The following DOCK5 variants were observed in gnomAD, a reference collection of about 807,000 sequenced individuals.
The protein encoded by DOCK5 is dedicator of cytokinesis 5.
In DOCK5, 142 loss-of-function variants were observed where a neutral mutation model predicts 251.8. That is an observed-to-expected ratio of 0.56 (90% CI 0.49 to 0.65). The LOEUF is 0.65. Ranked by LOEUF, DOCK5 falls within the 30% of genes least tolerant of loss-of-function variation. The pLI, the probability that DOCK5 is intolerant of heterozygous loss-of-function variation, is 0.00. For synonymous variants in DOCK5, 842 were observed against 835.5 expected (o/e 1.01, Z -0.13); for missense variants, 2,111 against 2,312.3 (o/e 0.91, Z 1.79).
In DOCK5 at chr8:25,403,654, G is replaced by A. The variant is rs368086703; in HGVS notation, c.5023G>A (p.Val1675Ile). 9.3e-6 allele frequency: 15 copies of A among 1,613,852 alleles called. No individual in the cohort carries two copies. The highest frequency in any genetic ancestry group is 1.3e-5 in the Non-Finnish European group (15 of 1,179,890). ...STLRRLSITSVTSSVVSTSSN... is the reference protein window; with the variant it reads ...STLRRLSITSITSSVVSTSSN... ...TCTGCGGAGGTTGTCCATCACCTCA[G>A]TCACTTCCTCTGTGGTTTCCACCTC... The change falls in exon 48 of 52, where the codon GTC becomes ATC. Residue 1675 changes from valine (V) to isoleucine (I), a missense_variant. By Grantham distance (29) the Val-to-Ile change is conservative. Around this residue, in one of 3 missense-constraint regions of DOCK5, gnomAD observed 1,717 missense variants for 1,892.4 expected, o/e 0.91. Coordinates refer to ENST00000276440, the MANE Select transcript of DOCK5 (RefSeq NM_024940.8).
At chr8:25,278,214 C>T (rs1310677607) in intron 4 of DOCK5, among the ~76,000 whole-genome samples, 2 of 152,156 alleles carry the variant, frequency 1.3e-5, no homozygotes, top group Non-Finnish European at 2.9e-5. Flanking sequence ...CCAAATGAAA[C>T]AGCTGCTTGG....
rs756264814 is a variant in DOCK5 at position 25,308,846 on chromosome 8, C to A, written c.1113C>A (p.His371Gln). 6.2e-7 allele frequency: 1 copy of A among 1,613,758 alleles called. No homozygotes were observed. The highest frequency in any genetic ancestry group is 2.2e-5 in the East Asian group (1 of 44,882). Residue 371 changes from histidine to glutamine, a missense_variant, in exon 12 of 52, where the codon CAC becomes CAA. This residue lies in a region of DOCK5 where 1,717 missense variants were observed against 1,892.4 expected (regional missense o/e 0.91). Transcript: ENST00000276440. Reference protein sequence around the residue: ...QLIMSPLITSHVIGENEPLTS... With the variant: ...QLIMSPLITSQVIGENEPLTS... The stretch of plus-strand genomic sequence containing the variant: ...TCATGTCGCCTTTGATAACATCACA[C>A]GTGATTGGGGAGAATGAGCCACTCA...
At chr8:25,185,066 G>C in intron 1 of DOCK5, 115 bp downstream of exon 1, 3 of 1,168,254 alleles carry the variant, frequency 2.6e-6, no homozygotes, top group Non-Finnish European at 2.2e-6. Flanking sequence ...GGCTCGGCCC[G>C]GCTGCGCAGC....
At chr8:25,198,865 A>G (rs1014145351) in intron 1 of DOCK5, among the ~76,000 whole-genome samples, 4 of 152,162 alleles carry the variant, frequency 2.6e-5, no homozygotes, top group African/African-American at 9.7e-5. Context: ...GGAAGAGTAA[A>G]TTCTCCCCTC....
chr8:25,408,768 G>T, intron 49 of DOCK5, 34 bp from the exon 50 acceptor site: 1 of 1,611,442 alleles, frequency 6.2e-7, no homozygotes, highest in Non-Finnish European at 8.5e-7. Flanking sequence ...CTTCCTCACC[G>T]TGAAAATGTT....
chr8:25,281,383 G>C lies in DOCK5; in HGVS notation c.321+2718G>C, dbSNP rs562641682. ...GAACTGGGGAGGCAGAGGTTGCAGT[G>C]AGCCAAGATCACACTGTTGCACTTC... On this transcript the variant is annotated intron_variant, in intron 5 of 51. Transcript: ENST00000276440. 6.0e-5 allele frequency among the ~76,000 whole-genome samples: 9 copies of C among 150,446 alleles called. No homozygotes were observed. In the East Asian group the frequency reaches 1.6e-3, roughly 26 times the overall value.
In DOCK5 at chr8:25,395,634, G is replaced by A. The variant is rs771609409; in HGVS notation, c.4619G>A (p.Arg1540Gln). ...SNCVQQHAWD[R>Q]SLSVHPLSML... ...TGTGTTCAGCAGCATGCCTGGGACCGGTCCCTCTCTGTGCACCCTCTCTCC... is the reference window on the plus strand; with the variant it reads ...TGTGTTCAGCAGCATGCCTGGGACCAGTCCCTCTCTGTGCACCCTCTCTCC... Residue 1540 changes from arginine (R) to glutamine (Q), a missense_variant, in exon 45 of 52, where the codon CGG (arginine) becomes CAG (glutamine). This residue lies in a region of DOCK5 where 1,717 missense variants were observed against 1,892.4 expected (regional missense o/e 0.91). Transcript: ENST00000276440. 1.2e-5 allele frequency: 20 copies of A among 1,613,320 alleles called. No individual in the cohort carries two copies. The highest frequency in any genetic ancestry group is 6.7e-5 in the African/African-American group (5 of 74,764).
chr8:25,317,183 C>G, intron 14 of DOCK5, 52 bp downstream of exon 14: 1 of 1,596,976 alleles, frequency 6.3e-7, no homozygotes, highest in Non-Finnish European at 8.6e-7. Context: ...TCTTTACAAT[C>G]ACGATAGAAT....
Position 25,395,768 on chromosome 8 carries a change from G to T in DOCK5, c.4704+49G>T, listed in dbSNP as rs768182199. 8 of 1,580,448 alleles carry T rather than the reference G, an allele frequency of 5.1e-6. No individual in the cohort carries two copies. The African/African-American group carries it at 9.4e-5, about 19-fold the overall frequency. ...TAGGGATTCACAGACCTGGGTGTCT[G>T]TGTGCCTCCCTCTGTGCCATTTGCC... On this transcript the variant is annotated intron_variant, in intron 45 of 51. Transcript: ENST00000276440.
intron 10 of DOCK5, among the ~76,000 whole-genome samples, chr8:25,303,811 A>G (rs1002987961): frequency 6.6e-6 from 1 of 152,070 alleles, no homozygotes; most frequent in Non-Finnish European, 1.5e-5. Flanking sequence ...AAAAAATACA[A>G]AAGTTAGCCA....
chr8:25,278,108 T>C (rs2666158), intron 4 of DOCK5, among the ~76,000 whole-genome samples: 105,700 of 152,028 alleles, frequency 0.7, 39,128 homozygotes, highest in Non-Finnish European at 0.83. Context: ...TGCCTCCGTA[T>C]CCCCCACCTC....
At chr8:25,291,376 TTAAA>T (rs1215051446) in intron 5 of DOCK5, among the ~76,000 whole-genome samples, 1 of 152,080 alleles carries the variant, frequency 6.6e-6, no homozygotes, top group East Asian at 1.9e-4. Context: ...ACACGATTGA[TTAAA>T]TAACACCTTA....
At chr8:25,291,245 T>C (rs1804476948) in intron 5 of DOCK5, among the ~76,000 whole-genome samples, 1 of 152,168 alleles carries the variant, frequency 6.6e-6, no homozygotes, top group Admixed American at 6.5e-5. Context: ...ACCCACTGTT[T>C]ACCCTACAAT....
At chr8:25,308,296 C>T (rs1805000031) in intron 11 of DOCK5, among the ~76,000 whole-genome samples, 1 of 152,130 alleles carries the variant, frequency 6.6e-6, no homozygotes, top group Non-Finnish European at 1.5e-5. Context: ...GGCATATACA[C>T]TGTGCTTATA....
At chr8:25,335,236 T>G (rs1220843712) in intron 21 of DOCK5, among the ~76,000 whole-genome samples, 1 of 152,176 alleles carries the variant, frequency 6.6e-6, no homozygotes, top group Non-Finnish European at 1.5e-5. Flanking sequence ...AGAACACCAG[T>G]GACAGTGGCC....
At chr8:25,338,187 C>T (rs1247093004) in intron 22 of DOCK5, among the ~76,000 whole-genome samples, 1 of 151,954 alleles carries the variant, frequency 6.6e-6, no homozygotes, top group East Asian at 1.9e-4. Flanking sequence ...GACCAAAGGG[C>T]ACGTCACCAT....
chr8:25,248,509 C>T (rs971721326), intron 2 of DOCK5, among the ~76,000 whole-genome samples: 4 of 152,058 alleles, frequency 2.6e-5, no homozygotes, highest in African/African-American at 4.8e-5. Flanking sequence ...GACTTTGGGG[C>T]GCTCCCTCTG....
chr8:25,372,543 C>T lies in DOCK5; in HGVS notation c.3525-16C>T. The T allele has an allele frequency of 1.3e-6, 2 of 1,559,854 alleles. No individual in the cohort carries two copies. The highest frequency in any genetic ancestry group is 8.6e-7 in the Non-Finnish European group (1 of 1,158,464). On this transcript the variant is annotated splice_polypyrimidine_tract_variant and intron_variant, in intron 34 of 51. Transcript: ENST00000276440. Reference sequence around the variant, plus strand: ...GCATGGAACCTGGGCTTTTGTCTCTCCCTCCGCCCCTCCAGGCTCCTAGAA... The same window carrying T: ...GCATGGAACCTGGGCTTTTGTCTCTTCCTCCGCCCCTCCAGGCTCCTAGAA...
At chr8:25,269,674 T>G (rs1396838839) in intron 3 of DOCK5, among the ~76,000 whole-genome samples, 1 of 151,118 alleles carries the variant, frequency 6.6e-6, no homozygotes, top group Non-Finnish European at 1.5e-5. Flanking sequence ...CTTTTAGGTC[T>G]TGTCAGCACT....
Sources: allele counts gnomAD v4.1 joint callset (sites outside exome capture counted in the v4.1 genomes callset), GRCh38; gene constraint gnomAD v4.1.1; regional missense constraint gnomAD v4.1.1; transcripts MANE v1.5; gene names NCBI Gene and HGNC (gene_info 2026-07-23, HGNC 2026-07-21).